INPP5B: variants seen among roughly 807,000 people sequenced by gnomAD.
INPP5B encodes inositol polyphosphate-5-phosphatase B, also known as type II inositol 1,4,5-trisphosphate 5-phosphatase.
INPP5B carries 90 observed loss-of-function variants against 118.5 expected under a neutral mutation model. The ratio of observed to expected loss-of-function variants is 0.76; its 90% CI spans 0.64 to 0.90. INPP5B has a LOEUF of 0.90. INPP5B is among the 40% of genes least tolerant of loss of function. The probability of loss-of-function intolerance (pLI) is 0.00; values close to 1 mark genes in which losing one functional copy is unlikely to be tolerated. For missense variants in INPP5B, 984 were observed against 1,125.6 expected (o/e 0.87, Z 1.80); for synonymous variants, 385 against 418.9 (o/e 0.92, Z 0.99).
intron 8 of INPP5B, among the ~76,000 whole-genome samples, chr1:37,890,908 G>A (rs1357671799): frequency 6.6e-6 from 1 of 152,122 alleles, no homozygotes; most frequent in Admixed American, 6.6e-5. Flanking sequence ...CTGGCAGTAA[G>A]TGCAAATAAA....
chr1:37,884,553 G>C (rs1643400655), intron 13 of INPP5B, among the ~76,000 whole-genome samples: 3 of 152,048 alleles, frequency 2.0e-5, no homozygotes, highest in African/African-American at 7.2e-5. Flanking sequence ...AAAATGCTGG[G>C]ATAACAGGCA....
At chr1:37,896,532 C>T (rs1430390409) in intron 7 of INPP5B, among the ~76,000 whole-genome samples, 14 of 143,868 alleles carry the variant, frequency 9.7e-5, no homozygotes, top group East Asian at 2.2e-4. Flanking sequence ...CGCCTCTGCC[C>T]GGCCGCCCCT....
intron 15 of INPP5B, among the ~76,000 whole-genome samples, chr1:37,878,836 G>T (rs1366260437): frequency 1.3e-5 from 2 of 151,456 alleles, no homozygotes; most frequent in Non-Finnish European, 3.0e-5. Context: ...TTTTAGTAGA[G>T]GTGGGGTTTC....
In INPP5B at chr1:37,940,556, G is replaced by A. The variant is rs1460138228; in HGVS notation, c.391+132C>T. On this transcript the variant is annotated intron_variant, in intron 6 of 23. Coordinates refer to ENST00000373024, the MANE Select transcript of INPP5B (RefSeq NM_005540.3). ...TGGCTGGCAGCCTGGGGGCACTATGGCTTTACACCAGCAGCTTCGAAAGGA... is the reference window on the plus strand; with the variant it reads ...TGGCTGGCAGCCTGGGGGCACTATGACTTTACACCAGCAGCTTCGAAAGGA... The A allele has an allele frequency of 4.9e-6, 3 of 614,670 alleles. No homozygotes were observed. The African/African-American group carries it at 5.6e-5, about 11-fold the overall frequency. The allele number at this position is 614,670 out of a possible 1,614,324, so 38.1% of individuals were successfully genotyped here. A position where few individuals can be genotyped will look rare whatever the true frequency, so the allele number is the denominator to read the frequency against.
intron 7 of INPP5B, among the ~76,000 whole-genome samples, chr1:37,897,175 C>A (rs564070105): frequency 2.6e-5 from 4 of 151,828 alleles, no homozygotes; most frequent in African/African-American, 9.7e-5. Context: ...TCTGCCTGGC[C>A]GCGCCTACTG....
rs1261964242 is a variant in INPP5B, at chr1:37,931,917, G to A, written c.528C>T (p.Gly176=). Residue 176 remains glycine (G), a synonymous_variant, in exon 7 of 24, where the codon GGC becomes GGT. Transcript: ENST00000373024. ...TCTTCCGGGACGGATACCTGCCTCC[G>A]CCAATTGTCGCGTACCCTGGCCAGG... ...LVTWPGYATI[G]GGGSNFDGLR... is the part of the protein sequence containing the mutation. 6.2e-7 allele frequency: 1 copy of A among 1,613,958 alleles called. No individual in the cohort carries two copies.
chr1:37,890,995 G>C (rs1250932461), intron 8 of INPP5B, among the ~76,000 whole-genome samples: 1 of 152,142 alleles, frequency 6.6e-6, no homozygotes, highest in Admixed American at 6.5e-5. Flanking sequence ...GGGAAGCCAA[G>C]ATGGGAGGAT....
rs1455812254 is a variant in INPP5B, at chr1:37,943,862, T to C, written c.184A>G (p.Ile62Val). 1 of 1,613,864 alleles carries C rather than the reference T, an allele frequency of 6.2e-7. No homozygotes were observed. Among genetic ancestry groups the C allele is most frequent in the Non-Finnish European group, 8.5e-7 (1 of 1,179,994 alleles). Residue 62 changes from isoleucine (I) to valine (V), a missense_variant, in exon 4 of 24, where the codon ATT becomes GTT. Coordinates refer to ENST00000373024, the MANE Select transcript of INPP5B (RefSeq NM_005540.3). Reference sequence around the variant, plus strand: ...TCCAGAGAGACATCGTCCCCGGTAATGGCCATCCTCCGGTGCGTATAGAGG... The same window carrying C: ...TCCAGAGAGACATCGTCCCCGGTAACGGCCATCCTCCGGTGCGTATAGAGG... The part of the protein sequence containing the change: ...LFLYTHRRMA[I>V]TGDDVSLDQI...
At chr1:37,893,085 C>CTTTTTTTTTTTTTTTTTTTTTTTTTTT (rs71053999) in intron 7 of INPP5B, among the ~76,000 whole-genome samples, 3 of 81,432 alleles carry the variant, frequency 3.7e-5, no homozygotes, top group African/African-American at 1.2e-4. Flanking sequence ...TTTTCTTTTT[C>CTTTTTTTTTTTTTTTTTTTTTTTTTTT]TTTTTTTTTT....
intron 23 of INPP5B, among the ~76,000 whole-genome samples, chr1:37,862,742 T>C (rs758640501): frequency 2.0e-5 from 3 of 152,206 alleles, no homozygotes; most frequent in Non-Finnish European, 2.9e-5. Context: ...AATACGGTAT[T>C]ATGAGCTGGG....
At chr1:37,921,868 G>C (rs1187880985) in intron 7 of INPP5B, among the ~76,000 whole-genome samples, 1 of 152,122 alleles carries the variant, frequency 6.6e-6, no homozygotes, top group African/African-American at 2.4e-5. Context: ...TTAGCCAGGC[G>C]TGGTGGCGGG....
rs761503281 is a variant in INPP5B at position 37,945,832 on chromosome 1, A to C, written c.76T>G (p.Cys26Gly). Reference protein sequence around the residue: ...YCVIAVQGVLCEGDSRQSRLL... With the variant: ...YCVIAVQGVLGEGDSRQSRLL... ...CGGCTCTGCCGGCTGTCCCCCTCAC[A>C]CAGCACACCTTGCACCGCCTGCGGC... Residue 26 changes from cysteine to glycine, a missense_variant, in exon 3 of 24, where the codon TGT (cysteine) becomes GGT (glycine). Coordinates refer to ENST00000373024, the MANE Select transcript of INPP5B (RefSeq NM_005540.3). 1.9e-6 allele frequency: 3 copies of C among 1,613,758 alleles called. No homozygotes were observed. The African/African-American group carries it at 4.0e-5, about 22-fold the overall frequency.
At chr1:37,886,556 G>C (rs957954943) in intron 12 of INPP5B, among the ~76,000 whole-genome samples, 3 of 152,164 alleles carry the variant, frequency 2.0e-5, no homozygotes, top group Non-Finnish European at 2.9e-5. Context: ...AATAAGAAGA[G>C]GAAATTGCAA....
chr1:37,936,697 A>T (rs909000288), intron 6 of INPP5B, among the ~76,000 whole-genome samples: 16 of 151,618 alleles, frequency 1.1e-4, no homozygotes, highest in African/African-American at 3.9e-4. Context: ...CAAAACACGC[A>T]AGGGCTCAGG....
intron 7 of INPP5B, among the ~76,000 whole-genome samples, chr1:37,928,041 G>A (rs944118679): frequency 6.6e-6 from 1 of 152,118 alleles, no homozygotes; most frequent in Non-Finnish European, 1.5e-5. Flanking sequence ...CTTGGCTCAC[G>A]CTACAAGGAA....
chr1:37,943,986 G>T (rs969188882), intron 3 of INPP5B, 93 bp from the exon 4 acceptor site: 68 of 873,498 alleles, frequency 7.8e-5, no homozygotes, highest in Middle Eastern at 4.4e-4. Context: ...TCGCTCGTTG[G>T]TCCCTAACAC....
At chr1:37,917,057 G>A (rs535298054) in intron 7 of INPP5B, among the ~76,000 whole-genome samples, 1 of 150,548 alleles carries the variant, frequency 6.6e-6, no homozygotes, top group East Asian at 2.1e-4. Flanking sequence ...TTGGGAGGCC[G>A]AGGCAAGCAG....
At chr1:37,946,880 C>G (rs1001156309) in intron 1 of INPP5B, 110 bp downstream of exon 1, 2 of 153,300 alleles carry the variant, frequency 1.3e-5, no homozygotes, top group Non-Finnish European at 2.9e-5. Flanking sequence ...AGCTGCAGGC[C>G]GGGGGTTGGG....
Position 37,870,941 on chromosome 1 carries a change from G to A in INPP5B, c.2187+1989C>T, listed in dbSNP as rs145356607. ...AGGCCGAGGTGGGTGGATCAGCTGAGGTCAGGAGTTCGAGACCGGCCTGGC... is the reference window on the plus strand; with the variant it reads ...AGGCCGAGGTGGGTGGATCAGCTGAAGTCAGGAGTTCGAGACCGGCCTGGC... On this transcript the variant is annotated intron_variant, in intron 19 of 23. Transcript: ENST00000373024. Among the ~76,000 whole-genome samples the A allele has an allele frequency of 2.0e-3, 307 of 152,198 alleles. 2 individuals are homozygous for A. The highest frequency in any genetic ancestry group is 7.0e-3 in the African/African-American group (292 of 41,510).
Sources: allele counts gnomAD v4.1 joint callset (sites outside exome capture counted in the v4.1 genomes callset), GRCh38; gene constraint gnomAD v4.1.1; transcripts MANE v1.5; gene names NCBI Gene and HGNC (gene_info 2026-07-23, HGNC 2026-07-21).